Variants in KLHL8 observed in about 807,000 individuals in gnomAD.
KLHL8 encodes kelch-like protein 8.
A neutral mutation model predicts 63.5 loss-of-function variants in KLHL8; 38 were observed. The ratio of observed to expected loss-of-function variants is 0.60; its 90% CI spans 0.46 to 0.78. The LOEUF is 0.78. Ranked by LOEUF, KLHL8 falls within the 30% of genes least tolerant of loss-of-function variation. The pLI, the probability that KLHL8 is intolerant of heterozygous loss-of-function variation, is 0.00. For synonymous variants in KLHL8, 224 were observed against 254.3 expected (o/e 0.88, Z 1.13); for missense variants, 566 against 752.4 (o/e 0.75, Z 2.90).
intron 1 of KLHL8, among the ~76,000 whole-genome samples, chr4:87,198,694 A>G (rs2110019636): frequency 1.3e-5 from 2 of 152,360 alleles, no homozygotes; most frequent in East Asian, 3.9e-4. Flanking sequence ...ATAAATGAGT[A>G]GCACAAGAGA....
chr4:87,191,261 G>A (rs1731474811), intron 2 of KLHL8, among the ~76,000 whole-genome samples: 1 of 152,198 alleles, frequency 6.6e-6, no homozygotes, highest in African/African-American at 2.4e-5. Context: ...TTGAGTCCAG[G>A]AGTTCAAGAC....
intron 1 of KLHL8, among the ~76,000 whole-genome samples, chr4:87,219,027 G>A (rs1732714560): frequency 6.6e-6 from 1 of 152,226 alleles, no homozygotes; most frequent in Non-Finnish European, 1.5e-5. Flanking sequence ...GTGAGCCACT[G>A]CACCCGGCCC....
At chr4:87,207,449 CT>C in intron 1 of KLHL8, 1 of 721,738 alleles carries the variant, frequency 1.4e-6, no homozygotes, top group Non-Finnish European at 2.5e-6. Flanking sequence ...GTCATCATCT[CT>C]CCCCACTTTG....
At position 87,209,807 on chromosome 4, in the gene KLHL8, A is replaced by G. The variant is rs977337626; in HGVS notation, c.-152+10611T>C. On this transcript the variant is annotated intron_variant, in intron 1 of 9. Coordinates refer to ENST00000273963, the MANE Select transcript of KLHL8 (RefSeq NM_020803.5). ...CACATTAATCAAAAGACTACTAAAC[A>G]GAAAGAGGAACTCCAAATGGCACTT... Among the ~76,000 whole-genome samples, 6 of 151,132 alleles carry G rather than the reference A, an allele frequency of 4.0e-5. No individual in the cohort carries two copies. The East Asian group carries it at 1.2e-3, about 29-fold the overall frequency.
At chr4:87,163,841 A>G in intron 9 of KLHL8, 37 bp downstream of exon 9, 1 of 1,583,060 alleles carries the variant, frequency 6.3e-7, no homozygotes, top group South Asian at 1.1e-5. Context: ...ATTATACCAG[A>G]AGATAATATA....
Position 87,170,577 on chromosome 4 carries a change from T to C in KLHL8, c.1247A>G (p.Tyr416Cys), listed in dbSNP as rs1181693479. The C allele has an allele frequency of 6.2e-7, 1 of 1,613,500 alleles. No individual in the cohort carries two copies. Among genetic ancestry groups the C allele is most frequent in the Admixed American group, 1.7e-5 (1 of 59,906 alleles). The change falls in exon 7 of 10, where the codon TAT becomes TGT. Residue 416 changes from tyrosine to cysteine, a missense_variant. By Grantham distance (194) the Tyr-to-Cys change is radical. Coordinates refer to ENST00000273963, the MANE Select transcript of KLHL8 (RefSeq NM_020803.5). ...IALASLGGPI[Y>C]AIGGLDDNTC... ...ATTGTCATCTAACCCTCCAATTGCA[T>C]AAATTGGGCCTCCTAAGGAAGCCAA...
Position 87,163,600 on chromosome 4 carries a change from T to C in KLHL8, c.1782A>G (p.Ala594=), listed in dbSNP as rs1479414914. 2.5e-6 allele frequency: 4 copies of C among 1,614,164 alleles called. No individual in the cohort carries two copies. Among genetic ancestry groups the C allele is most frequent in the South Asian group, 2.2e-5 (2 of 91,090 alleles). The change falls in exon 10 of 10, where the codon GCA becomes GCG. Residue 594 remains alanine (A), a synonymous_variant. Transcript: ENST00000273963. ...TTAAACAGGAACACACAGCTACTCCTGCTCCAGCTCTGCAGTGAGACACAG... is the reference window on the plus strand; with the variant it reads ...TTAAACAGGAACACACAGCTACTCCCGCTCCAGCTCTGCAGTGAGACACAG... ...VGSVSHCRAG[A]GVAVCSCLTS...
intron 1 of KLHL8, among the ~76,000 whole-genome samples, chr4:87,236,261 T>C (rs928337283): frequency 2.0e-5 from 3 of 149,952 alleles, no homozygotes; most frequent in Middle Eastern, 3.5e-3. Context: ...CAGGCTGGAG[T>C]GCAGTGGGGC....
At chr4:87,235,461 C>T (rs1165959019) in intron 1 of KLHL8, among the ~76,000 whole-genome samples, 1 of 152,046 alleles carries the variant, frequency 6.6e-6, no homozygotes. Context: ...TAAGCACATT[C>T]CCTGATGTTC....
intron 5 of KLHL8, among the ~76,000 whole-genome samples, chr4:87,177,525 AAC>A (rs1281544757): frequency 6.9e-6 from 1 of 145,740 alleles, no homozygotes; most frequent in African/African-American, 2.5e-5. Flanking sequence ...CAAACAAACA[AAC>A]AAACAAAAAC....
At chr4:87,219,942 C>T (rs1732757130) in intron 1 of KLHL8, 1 of 151,854 alleles carries the variant, frequency 6.6e-6, no homozygotes, top group South Asian at 2.1e-4. Context: ...CCCCGCAGGC[C>T]GCGGCTCCAG....
chr4:87,180,752 C>A (rs142919712), intron 4 of KLHL8, among the ~76,000 whole-genome samples: 71 of 152,152 alleles, frequency 4.7e-4, no homozygotes, highest in African/African-American at 1.7e-3. Context: ...AATTTAAAGT[C>A]GGAAGAGCAG....
chr4:87,190,928 C>CA (rs1431879563), intron 2 of KLHL8, among the ~76,000 whole-genome samples: 2 of 152,070 alleles, frequency 1.3e-5, no homozygotes, highest in African/African-American at 4.8e-5. Context: ...GGTACAGATA[C>CA]ATGCTCAATT....
At chr4:87,222,027 C>A (rs763558990), upstream of KLHL8, among the ~76,000 whole-genome samples, 18 of 152,152 alleles carry the variant, frequency 1.2e-4, no homozygotes, top group Admixed American at 3.3e-4. Context: ...TGTCTCTTAC[C>A]TTCCCCATTA....
At chr4:87,209,190 T>A (rs193018464) in intron 1 of KLHL8, among the ~76,000 whole-genome samples, 56 of 152,190 alleles carry the variant, frequency 3.7e-4, no homozygotes, top group African/African-American at 1.2e-3. Context: ...AGAATTTTTT[T>A]AAAAATATGC....
At chr4:87,185,033 A>G (rs1731197041) in intron 3 of KLHL8, among the ~76,000 whole-genome samples, 1 of 152,242 alleles carries the variant, frequency 6.6e-6, no homozygotes, top group African/African-American at 2.4e-5. Flanking sequence ...AAAGCAGAGA[A>G]TGATATTGCT....
chr4:87,195,784 ATATC>A lies in KLHL8; in HGVS notation c.-151-98_-151-95del, dbSNP rs201692304. The A allele has an allele frequency of 8.9e-4, 298 of 333,420 alleles. 5 individuals carry two copies. The East Asian group carries it at 0.013, about 14-fold the overall frequency. 20.7% of individuals were successfully genotyped at this position (333,420 alleles called of 1,614,324 possible). ...TTAATACTATATATGCAAAATAACT[ATATC>A]AATCATATTTATAAAAGAACAAAAA... On this transcript the variant is annotated intron_variant, in intron 1 of 9. Transcript: ENST00000273963.
intron 2 of KLHL8, among the ~76,000 whole-genome samples, chr4:87,193,845 T>C (rs1009889455): frequency 4.6e-5 from 7 of 152,220 alleles, no homozygotes; most frequent in Non-Finnish European, 5.9e-5. Flanking sequence ...GGGTCCATCG[T>C]TGACCAAAAT....
chr4:87,228,905 A>G (rs1430048432), intron 1 of KLHL8, among the ~76,000 whole-genome samples: 1 of 152,242 alleles, frequency 6.6e-6, no homozygotes, highest in African/African-American at 2.4e-5. Flanking sequence ...CCACCCATGT[A>G]CCCATAATCT....
Sources: allele counts gnomAD v4.1 joint callset (sites outside exome capture counted in the v4.1 genomes callset), GRCh38; gene constraint gnomAD v4.1.1; transcripts MANE v1.5; gene names NCBI Gene and HGNC (gene_info 2026-07-23, HGNC 2026-07-21).